DENND2D: variants seen among roughly 807,000 people sequenced by gnomAD.
The protein encoded by DENND2D is DENN domain containing 2D, also known as DENN domain-containing protein 2D.
In DENND2D, 37 loss-of-function variants were observed where a neutral mutation model predicts 59.8. The ratio of observed to expected loss-of-function variants is 0.62; its 90% CI spans 0.48 to 0.81. The LOEUF (loss-of-function observed/expected upper bound fraction) is 0.81, where lower values mean the gene tolerates loss of function less well. Ranked by LOEUF, DENND2D falls within the 40% of genes least tolerant of loss-of-function variation. The pLI, the probability that DENND2D is intolerant of heterozygous loss-of-function variation, is 0.00. For missense variants in DENND2D, 525 were observed against 579.7 expected (o/e 0.91, Z 0.97); for synonymous variants, 219 against 211.3 (o/e 1.04, Z -0.31).
intron 1 of DENND2D, 116 bp downstream of exon 1, chr1:111,200,277 G>T: frequency 2.9e-6 from 4 of 1,387,044 alleles, no homozygotes; most frequent in Middle Eastern, 1.8e-4. Flanking sequence ...GTCACATGGG[G>T]AACCATGTGG....
upstream of DENND2D, among the ~76,000 whole-genome samples, chr1:111,203,924 C>G (rs1039098699): frequency 1.3e-5 from 2 of 152,090 alleles, no homozygotes; most frequent in Non-Finnish European, 2.9e-5. Context: ...GCGGGCACGC[C>G]GGGAGCTGAG....
upstream of DENND2D, chr1:111,201,462 C>T (rs1658792761): frequency 6.6e-6 from 1 of 152,360 alleles, no homozygotes; most frequent in Non-Finnish European, 1.5e-5. Flanking sequence ...TCCACCCAAC[C>T]CCCACGCCTG....
chr1:111,200,291 C>T, intron 1 of DENND2D, 102 bp downstream of exon 1: 1 of 1,484,122 alleles, frequency 6.7e-7, no homozygotes, highest in African/African-American at 1.4e-5. Context: ...CATGTGGAGG[C>T]CGAGATATAA....
Position 111,197,207 on chromosome 1 carries a change from C to A in DENND2D, c.473G>T (p.Ser158Ile). 1 of 1,613,926 alleles carries A rather than the reference C, an allele frequency of 6.2e-7. No individual in the cohort carries two copies. The change falls in exon 5 of 12, where the codon AGC (serine) becomes ATC (isoleucine). Residue 158 changes from serine to isoleucine, a missense_variant. Coordinates refer to ENST00000357640, the MANE Select transcript of DENND2D (RefSeq NM_024901.5). ...PRLPKVYCII[S>I]CIGCFGLFSK... ...GAACAAGCCGAAGCAGCCGATGCAGCTGATGATGCAGTACACTTTGGGAAG... is the reference window on the plus strand; with the variant it reads ...GAACAAGCCGAAGCAGCCGATGCAGATGATGATGCAGTACACTTTGGGAAG...
intron 3 of DENND2D, 23 bp downstream of exon 3, chr1:111,198,607 C>T (rs1318701025): frequency 1.9e-6 from 3 of 1,607,760 alleles, no homozygotes; most frequent in Admixed American, 1.7e-5. Flanking sequence ...ATCCAATACC[C>T]TTGCCCAGGG....
chr1:111,191,475 A>T (rs531430254), intron 8 of DENND2D, among the ~76,000 whole-genome samples: 1 of 152,166 alleles, frequency 6.6e-6, no homozygotes, highest in South Asian at 2.1e-4. Context: ...TCTAAAGCAC[A>T]TGTTTTGAGT....
In DENND2D at chr1:111,200,607, T is replaced by C. The variant is rs1483514990; in HGVS notation, c.-148A>G. On this transcript the variant is annotated 5_prime_UTR_variant, in exon 1 of 12. Transcript: ENST00000357640. ...CTGTCTTCCAGAGAGGGAATAGAAGTTTCCATCCTGTGCACCCAGTGGTTG... is the reference window on the plus strand; with the variant it reads ...CTGTCTTCCAGAGAGGGAATAGAAGCTTCCATCCTGTGCACCCAGTGGTTG... 1.4e-6 allele frequency: 2 copies of C among 1,459,244 alleles called. No individual in the cohort carries two copies. Among genetic ancestry groups the C allele is most frequent in the Non-Finnish European group, 1.8e-6 (2 of 1,096,406 alleles). 90.4% of individuals were successfully genotyped at this position (1,459,244 alleles called of 1,614,324 possible).
Position 111,198,657 on chromosome 1 carries a change from T to G in DENND2D, c.329A>C (p.Glu110Ala), listed in dbSNP as rs1363659807. ...GGGATACTCGGTGAGTGATGCCCAC[T>G]CATTCCCATCTGGGAAGCAGAACAA... is the stretch of plus-strand genomic sequence containing the variant. ...IPLFCFPDGN[E>A]WASLTEYPRE... The change falls in exon 3 of 12, where the codon GAG becomes GCG. Residue 110 changes from glutamate (E) to alanine (A), a missense_variant. Coordinates refer to ENST00000357640, the MANE Select transcript of DENND2D (RefSeq NM_024901.5). 1 of 1,614,144 alleles carries G rather than the reference T, an allele frequency of 6.2e-7. No individual in the cohort carries two copies. Among genetic ancestry groups the G allele is most frequent in the East Asian group, 2.2e-5 (1 of 44,872 alleles).
rs377446079 is a variant in DENND2D at position 111,186,547 on chromosome 1, C to G, written c.*1058G>C. On this transcript the variant is annotated 3_prime_UTR_variant, in exon 12 of 12. Transcript: ENST00000357640. ...AGGTAGAATTTTTGAAGATAAGATTCTTCTAAAAAAGCTTCCCAATGCTTG... is the reference window on the plus strand; with the variant it reads ...AGGTAGAATTTTTGAAGATAAGATTGTTCTAAAAAAGCTTCCCAATGCTTG... Among the ~76,000 whole-genome samples, 1 of 152,108 alleles carries G rather than the reference C, an allele frequency of 6.6e-6. No homozygotes were observed. The highest frequency in any genetic ancestry group is 6.6e-5 in the Admixed American group (1 of 15,266).
chr1:111,195,658 C>A, intron 6 of DENND2D: 1 of 414,436 alleles, frequency 2.4e-6, no homozygotes, highest in Non-Finnish European at 4.4e-6. Context: ...CACCAGAAGC[C>A]TCAACTTACA....
intron 8 of DENND2D, among the ~76,000 whole-genome samples, chr1:111,189,931 G>T (rs181037328): frequency 6.6e-6 from 1 of 152,076 alleles, no homozygotes; most frequent in Non-Finnish European, 1.5e-5. Flanking sequence ...TTGGGAGGCC[G>T]AGGCGGGTGG....
chr1:111,195,613 G>A, intron 6 of DENND2D: 1 of 321,332 alleles, frequency 3.1e-6, no homozygotes, highest in Middle Eastern at 1.1e-3. Context: ...AGCGGCAAGT[G>A]GCAGTCTGAG....
chr1:111,188,116 G>C lies in DENND2D; in HGVS notation c.1339+15C>G. On this transcript the variant is annotated intron_variant, in intron 11 of 11. Coordinates refer to ENST00000357640, the MANE Select transcript of DENND2D (RefSeq NM_024901.5). ...ACCCTCTATGGGCTTAGACTGATGGGGACTGTTACTGTACCTGCAGGAGGA... is the reference window on the plus strand; with the variant it reads ...ACCCTCTATGGGCTTAGACTGATGGCGACTGTTACTGTACCTGCAGGAGGA... The C allele has an allele frequency of 6.2e-7, 1 of 1,613,908 alleles. No homozygotes were observed. Among genetic ancestry groups the C allele is most frequent in the Non-Finnish European group, 8.5e-7 (1 of 1,179,934 alleles).
At chr1:111,204,266 C>T (rs1042940200), upstream of DENND2D, 5 of 1,459,536 alleles carry the variant, frequency 3.4e-6, no homozygotes, top group African/African-American at 2.9e-5. Context: ...CCCACGCCGT[C>T]CCCCCGCGCT....
upstream of DENND2D, chr1:111,204,473 G>A (rs1659118846): frequency 2.8e-6 from 3 of 1,083,818 alleles, no homozygotes; most frequent in Non-Finnish European, 3.6e-6. Context: ...GGACAGGTTC[G>A]GGGCGGCGCG....
Position 111,187,547 on chromosome 1 carries a change from C to A in DENND2D, c.*58G>T. 2 of 1,469,974 alleles carry A rather than the reference C, an allele frequency of 1.4e-6. No homozygotes were observed. The highest frequency in any genetic ancestry group is 9.5e-7 in the Non-Finnish European group (1 of 1,051,454). The allele number at this position is 1,469,974 out of a possible 1,614,324, so 91.1% of individuals were successfully genotyped here. On this transcript the variant is annotated 3_prime_UTR_variant, in exon 12 of 12. Coordinates refer to ENST00000357640, the MANE Select transcript of DENND2D (RefSeq NM_024901.5). ...AGTTTTGCTGATCCTGCCACACTGG[C>A]AGGGGCTGAAGTCCAGAAATGGTGT...
intron 9 of DENND2D, 76 bp from the exon 10 acceptor site, chr1:111,188,862 A>T (rs894784651): frequency 4.6e-6 from 6 of 1,313,298 alleles, no homozygotes; most frequent in South Asian, 3.6e-5. Flanking sequence ...AAGCATAAGG[A>T]GGGCATGAAT....
intron 1 of DENND2D, 110 bp from the exon 2 acceptor site, chr1:111,199,908 G>T: frequency 1.5e-6 from 2 of 1,357,684 alleles, no homozygotes; most frequent in Non-Finnish European, 1.0e-6. Flanking sequence ...TGCCAATGCT[G>T]AGATACCTGG....
chr1:111,198,883 G>C, intron 2 of DENND2D, 141 bp from the exon 3 acceptor site: 2 of 778,854 alleles, frequency 2.6e-6, no homozygotes, highest in Non-Finnish European at 4.2e-6. Context: ...GGCGAAGGGT[G>C]CCTTTGCCCA....
Sources: gnomAD v4.1 joint callset for allele counts (sites outside exome capture counted in the v4.1 genomes callset) on GRCh38, gnomAD v4.1.1 for gene constraint, MANE v1.5 for transcripts, NCBI Gene and HGNC (gene_info 2026-07-23, HGNC 2026-07-21) for gene names.